The following ZDHHC19 variants were observed in gnomAD, a reference collection of about 807,000 sequenced individuals.
ZDHHC19 encodes palmitoyltransferase ZDHHC19.
In ZDHHC19, 30 loss-of-function variants were observed where a neutral mutation model predicts 33.9. That is an observed-to-expected ratio of 0.88 (90% confidence interval 0.66 to 1.20). The LOEUF (loss-of-function observed/expected upper bound fraction) is 1.20. ZDHHC19 is among the 50% of genes most tolerant of loss of function. ZDHHC19 has a pLI of 0.00. For synonymous variants in ZDHHC19, 178 were observed against 167.6 expected (o/e 1.06, Z -0.48); for missense variants, 364 against 401.1 (o/e 0.91, Z 0.79).
In ZDHHC19 at chr3:196,207,649, G is replaced by GCC. The variant is rs1181835527; in HGVS notation, c.582-148_582-147dup. 8 of 21,468 alleles carry GCC rather than the reference G, an allele frequency of 3.7e-4. 1 individual carries two copies. In the African/African-American group the frequency reaches 6.2e-3, roughly 17 times the overall value. 1.3% of individuals were successfully genotyped at this position (21,468 alleles called of 1,614,324 possible). A position where few individuals can be genotyped will look rare whatever the true frequency, so the allele number is the denominator to read the frequency against. ...CGAGCCCCGCCCCGCCCCTGGCCCC[G>GCC]CCCCCAGGCCCGACTCCGCCCCGAG... On this transcript the variant is annotated intron_variant, in intron 4 of 7. Coordinates refer to ENST00000296326, the MANE Select transcript of ZDHHC19 (RefSeq NM_001039617.2).
Position 196,207,499 on chromosome 3 carries a change from C to A in ZDHHC19, c.586G>T (p.Val196Leu), listed in dbSNP as rs771568852. The change falls in exon 5 of 8, where the codon GTG (valine) becomes TTG (leucine). Residue 196 changes from valine (V) to leucine (L), a missense_variant. Transcript: ENST00000296326. The stretch of plus-strand genomic sequence containing the variant: ...AGGCCCGCGGCGGACACGGCCACCA[C>A]GATGCTGCGCGGGTTAAGGAACCGG... ...PFSTDKAIAI[V>L]VAVSAAGLLV... 2 of 1,556,174 alleles carry A rather than the reference C, an allele frequency of 1.3e-6. No homozygotes were observed. Among genetic ancestry groups the A allele is most frequent in the South Asian group, 1.2e-5 (1 of 84,552 alleles).
At chr3:196,209,631 C>A (rs1723055007) in intron 2 of ZDHHC19, 116 bp from the exon 3 acceptor site, 1 of 1,367,496 alleles carries the variant, frequency 7.3e-7, no homozygotes, top group South Asian at 1.4e-5. Flanking sequence ...GGCAGGGGAA[C>A]CCCTGTCCCC....
chr3:196,205,960 G>A lies in ZDHHC19; in HGVS notation c.687+1438C>T, dbSNP rs114614829. Among the ~76,000 whole-genome samples, 504 of 148,472 alleles carry A rather than the reference G, an allele frequency of 3.4e-3. 1 individual carries two copies. The highest frequency in any genetic ancestry group is 0.012 in the African/African-American group (471 of 40,698). Reference sequence around the variant, plus strand: ...GATTGCAGGTGTGGGCCATGCACCCGTCCAATAAACTTGGCTTTTAAGAAA... The same window carrying A: ...GATTGCAGGTGTGGGCCATGCACCCATCCAATAAACTTGGCTTTTAAGAAA... On this transcript the variant is annotated intron_variant, in intron 5 of 7. Coordinates refer to ENST00000296326, the MANE Select transcript of ZDHHC19 (RefSeq NM_001039617.2).
chr3:196,198,657 GCCCTGGAGAAAACC>G, intron 6 of ZDHHC19, 118 bp downstream of exon 6: 1 of 1,571,572 alleles, frequency 6.4e-7, no homozygotes, highest in Non-Finnish European at 8.6e-7. Context: ...AGCTCCCAGT[GCCCTGGAGAAAACC>G]CCAGAGGAGC....
intron 2 of ZDHHC19, 130 bp downstream of exon 2, chr3:196,210,486 C>G (rs990509819): frequency 7.3e-6 from 8 of 1,097,322 alleles, no homozygotes; most frequent in Non-Finnish European, 1.1e-5. Context: ...AGGGCCAGAG[C>G]AATGAAGACG....
chr3:196,208,314 CATAG>C, intron 4 of ZDHHC19, 70 bp downstream of exon 4: 1 of 1,453,966 alleles, frequency 6.9e-7, no homozygotes, highest in Non-Finnish European at 9.3e-7. Flanking sequence ...GCCCCGCCCC[CATAG>C]CCCCGCCCTC....
At position 196,210,627 on chromosome 3, in the gene ZDHHC19, A is replaced by G; in HGVS notation, c.257T>C (p.Ile86Thr). The G allele has an allele frequency of 6.2e-7, 1 of 1,614,000 alleles. No individual in the cohort carries two copies. The highest frequency in any genetic ancestry group is 8.5e-7 in the Non-Finnish European group (1 of 1,179,924). Residue 86 changes from isoleucine to threonine, a missense_variant, in exon 2 of 8, where the codon ATC becomes ACC. Coordinates refer to ENST00000296326, the MANE Select transcript of ZDHHC19 (RefSeq NM_001039617.2). ...GGCTGATGCCTCACCTTGATGTAAG[A>G]TGCCAGGGTCTGAGAAGTTGAGTGA... Reference protein sequence around the residue: ...LVSLNFSDPGILHQGSAEQGP... With the variant: ...LVSLNFSDPGTLHQGSAEQGP...
intron 5 of ZDHHC19, among the ~76,000 whole-genome samples, chr3:196,201,578 G>A (rs62410543): frequency 0.26 from 39,953 of 151,700 alleles, 5,468 homozygotes; most frequent in Middle Eastern, 0.31. Flanking sequence ...AAAATTAGTC[G>A]GGCATGGTGG....
At chr3:196,204,640 C>A (rs1722595695) in intron 5 of ZDHHC19, among the ~76,000 whole-genome samples, 1 of 152,192 alleles carries the variant, frequency 6.6e-6, no homozygotes, top group Non-Finnish European at 1.5e-5. Flanking sequence ...AAAATACAAA[C>A]TGAAGCCACA....
At chr3:196,208,849 G>A (rs1244478108) in intron 3 of ZDHHC19, 4 of 430,230 alleles carry the variant, frequency 9.3e-6, no homozygotes, top group African/African-American at 2.0e-5. Flanking sequence ...TGGGCAGAAC[G>A]TAAACCATCT....
intron 5 of ZDHHC19, among the ~76,000 whole-genome samples, chr3:196,206,568 G>T (rs1403422564): frequency 2.0e-5 from 3 of 152,070 alleles, no homozygotes; most frequent in Non-Finnish European, 4.4e-5. Context: ...GCCCAGGCTG[G>T]TCTCAAACTC....
intron 5 of ZDHHC19, among the ~76,000 whole-genome samples, chr3:196,200,096 C>A (rs9864994): frequency 0.31 from 46,121 of 150,878 alleles, 7,609 homozygotes; most frequent in East Asian, 0.55. Context: ...TCAAGACCAG[C>A]CTGAGACTTT....
chr3:196,209,776 A>G (rs1324208576), intron 2 of ZDHHC19, among the ~76,000 whole-genome samples: 1 of 152,152 alleles, frequency 6.6e-6, no homozygotes, highest in Non-Finnish European at 1.5e-5. Flanking sequence ...TAGTGAAGGG[A>G]GGAAGTGCAT....
chr3:196,211,067 C>A, intron 1 of ZDHHC19, 103 bp downstream of exon 1: 2 of 1,568,904 alleles, frequency 1.3e-6, no homozygotes, highest in African/African-American at 2.7e-5. Context: ...TTTTCCCTGA[C>A]CTCTCCCCCG....
chr3:196,201,826 G>C (rs992178517), intron 5 of ZDHHC19, among the ~76,000 whole-genome samples: 8 of 152,166 alleles, frequency 5.3e-5, no homozygotes, highest in Non-Finnish European at 1.0e-4. Context: ...GTCTGAAACT[G>C]CCTGACACTC....
At chr3:196,199,814 G>C (rs7622459) in intron 5 of ZDHHC19, among the ~76,000 whole-genome samples, 1 of 151,236 alleles carries the variant, frequency 6.6e-6, no homozygotes. Flanking sequence ...GCGTGGTGGC[G>C]GGTGCCTGTG....
rs543735611 is a variant in ZDHHC19, at chr3:196,207,871, C to T, written c.582-368G>A. On this transcript the variant is annotated intron_variant, in intron 4 of 7. Transcript: ENST00000296326. ...GAAAGCCTGACTCCACCCCGCTGTC[C>T]CCGCCCGTCCAGATCTGCGGTGCAC... is the stretch of plus-strand genomic sequence containing the variant. Among the ~76,000 whole-genome samples the T allele has an allele frequency of 2.9e-5, 4 of 136,364 alleles. No homozygotes were observed. In the South Asian group the frequency reaches 7.1e-4, roughly 24 times the overall value. The allele number at this position is 136,364 out of a possible 152,430, so 89.5% of individuals were successfully genotyped here.
chr3:196,210,421 GGAAAGAAAGAAAGA>G (rs1318216243), intron 2 of ZDHHC19, among the ~76,000 whole-genome samples, 181 bp downstream of exon 2: 1 of 132,798 alleles, frequency 7.5e-6, no homozygotes, highest in Admixed American at 7.9e-5. Flanking sequence ...GAGGAAGGAA[GGAAAGAAAGAAAGA>G]GAAAGAAAGA....
At position 196,211,150 on chromosome 3, in the gene ZDHHC19, G is replaced by A. The variant is rs748063514; in HGVS notation, c.146+20C>T. The A allele has an allele frequency of 1.3e-5, 21 of 1,613,934 alleles. No homozygotes were observed. Among genetic ancestry groups the A allele is most frequent in the Admixed American group, 8.3e-5 (5 of 59,994 alleles). ...GCTGTCTCTTTGTGGGAAACCTAAC[G>A]GCTTGCCTGGAAAACTCACGGGAAT... On this transcript the variant is annotated intron_variant, in intron 1 of 7. Coordinates refer to ENST00000296326, the MANE Select transcript of ZDHHC19 (RefSeq NM_001039617.2).
Sources: gnomAD v4.1 joint callset for allele counts (sites outside exome capture counted in the v4.1 genomes callset) on GRCh38, gnomAD v4.1.1 for gene constraint, MANE v1.5 for transcripts, NCBI Gene and HGNC (gene_info 2026-07-23, HGNC 2026-07-21) for gene names.